The following GLIS3 variants were observed in gnomAD, a reference collection of about 807,000 sequenced individuals.
GLIS3 encodes the protein zinc finger protein GLIS3.
Under a neutral mutation model 78.6 loss-of-function variants are expected in GLIS3, and 53 were observed. The ratio of observed to expected loss-of-function variants is 0.67; its 90% CI spans 0.54 to 0.85. The LOEUF (loss-of-function observed/expected upper bound fraction) is 0.85. Among genes scored for constraint, GLIS3 ranks in the 40% least tolerant of loss-of-function variants. The probability of loss-of-function intolerance (pLI) is 0.00; values close to 1 mark genes in which losing one functional copy is unlikely to be tolerated. For synonymous variants in GLIS3, 684 were observed against 509.9 expected, an observed-to-expected ratio of 1.34 and a Z score of -4.60; for missense variants, 1,703 against 1,231.1, an observed-to-expected ratio of 1.38 and a Z score of -5.74.
rs1193481147 is a variant in GLIS3, at chr9:3,828,294, G to A, written c.2771C>T (p.Ser924Phe). The change falls in exon 11 of 11, where the codon TCC (serine) becomes TTC (phenylalanine). Residue 924 changes from serine to phenylalanine, a missense_variant. Physicochemically the swap from Ser to Phe is radical, Grantham distance 155 (BLOSUM62 -2). Transcript: ENST00000381971. ...STVDRCPSQL[S>F]SVYTEG ...CTTTTAGCCTTCGGTGTAGACAGAG[G>A]AGAGCTGGCTAGGACAGCGGTCCAC... 1.9e-6 allele frequency: 3 copies of A among 1,614,034 alleles called. No individual in the cohort carries two copies. The highest frequency in any genetic ancestry group is 2.2e-5 in the East Asian group (1 of 44,894).
chr9:4,485,654 C>T, the GLIS3 span, among the ~76,000 whole-genome samples: 8 of 151,870 alleles, frequency 5.3e-5, no homozygotes, highest in South Asian at 4.2e-4. Flanking sequence ...TCTACCTGTG[C>T]GGCAGGCAAG....
At chr9:4,483,898 A>C in the GLIS3 span, among the ~76,000 whole-genome samples, 1 of 152,158 alleles carries the variant, frequency 6.6e-6, no homozygotes, top group Admixed American at 6.6e-5. Context: ...ATCATATCTC[A>C]TTTGATTCTT....
intron 2 of GLIS3, among the ~76,000 whole-genome samples, chr9:4,332,285 T>G (rs1234439609): frequency 6.6e-6 from 1 of 152,140 alleles, no homozygotes; most frequent in Admixed American, 6.5e-5. Flanking sequence ...AGGTGTAGAA[T>G]TGGGCTAGGT....
chr9:4,488,003 A>AT, the GLIS3 span, among the ~76,000 whole-genome samples: 1 of 152,180 alleles, frequency 6.6e-6, no homozygotes. Flanking sequence ...TATGGTAGAC[A>AT]CTTTGGAAAT....
chr9:4,448,366 C>G, the GLIS3 span, among the ~76,000 whole-genome samples: 11 of 152,278 alleles, frequency 7.2e-5, no homozygotes, highest in East Asian at 2.1e-3. Flanking sequence ...AGAACCCATC[C>G]CATGCTTGTG....
At chr9:3,839,441 C>T (rs996072374) in intron 9 of GLIS3, among the ~76,000 whole-genome samples, 1 of 152,114 alleles carries the variant, frequency 6.6e-6, no homozygotes, top group African/African-American at 2.4e-5. Flanking sequence ...GTTATACCAA[C>T]CACTCAGAAT....
intron 2 of GLIS3, among the ~76,000 whole-genome samples, chr9:4,282,216 A>T (rs935710365): frequency 3.3e-5 from 5 of 152,136 alleles, no homozygotes; most frequent in African/African-American, 1.2e-4. Context: ...GCCGCCGTGT[A>T]AACTGTACCT....
chr9:4,454,727 G>A, the GLIS3 span, among the ~76,000 whole-genome samples: 414 of 152,284 alleles, frequency 2.7e-3, 3 homozygotes, highest in Non-Finnish European at 4.4e-3. Context: ...TGGGTTTGAT[G>A]TGTTCCAGGT....
chr9:4,165,846 G>A (rs1041190106), intron 2 of GLIS3, among the ~76,000 whole-genome samples: 5 of 152,230 alleles, frequency 3.3e-5, no homozygotes, highest in Non-Finnish European at 7.3e-5. Flanking sequence ...TACAGGGGAT[G>A]AAGAACAGGG....
intron 2 of GLIS3, among the ~76,000 whole-genome samples, chr9:4,341,473 G>A (rs915722569): frequency 6.6e-6 from 1 of 152,166 alleles, no homozygotes; most frequent in Non-Finnish European, 1.5e-5. Flanking sequence ...CAAGGTCACT[G>A]ATCTCCAGTA....
At chr9:4,155,860 T>G (rs1835010407) in intron 2 of GLIS3, among the ~76,000 whole-genome samples, 1 of 152,210 alleles carries the variant, frequency 6.6e-6, no homozygotes, top group Non-Finnish European at 1.5e-5. Context: ...ATACTGATGC[T>G]GCAGGTCCTC....
At chr9:4,186,351 G>A (rs1458125686) in intron 2 of GLIS3, among the ~76,000 whole-genome samples, 1 of 151,904 alleles carries the variant, frequency 6.6e-6, no homozygotes, top group Admixed American at 6.6e-5. Context: ...TGGCTGCATA[G>A]TATTCCATGG....
chr9:3,837,193 G>A (rs967649206), intron 9 of GLIS3, among the ~76,000 whole-genome samples: 1 of 152,132 alleles, frequency 6.6e-6, no homozygotes, highest in African/African-American at 2.4e-5. Flanking sequence ...CACCACATAA[G>A]GCCCTTCATA....
chr9:4,091,023 G>A (rs993465234), intron 4 of GLIS3, among the ~76,000 whole-genome samples: 2 of 152,132 alleles, frequency 1.3e-5, no homozygotes, highest in African/African-American at 4.8e-5. Flanking sequence ...GGGGGATGAT[G>A]ATATCCATTA....
chr9:4,027,339 T>C (rs1440174045), intron 4 of GLIS3, among the ~76,000 whole-genome samples: 1 of 152,240 alleles, frequency 6.6e-6, no homozygotes, highest in Admixed American at 6.5e-5. Flanking sequence ...TTAGCAATTA[T>C]TCACAGCAGG....
At chr9:4,004,856 A>T (rs988474096) in intron 4 of GLIS3, among the ~76,000 whole-genome samples, 6 of 152,210 alleles carry the variant, frequency 3.9e-5, no homozygotes, top group Non-Finnish European at 8.8e-5. Context: ...TGGACTTTTA[A>T]ATATACTTAT....
the GLIS3 span, among the ~76,000 whole-genome samples, chr9:4,382,742 C>CT: frequency 1.4e-4 from 22 of 152,120 alleles, no homozygotes; most frequent in Non-Finnish European, 8.8e-5. Flanking sequence ...ATTTTAATAC[C>CT]TCTCAGATGA....
At chr9:3,927,648 A>G (rs1425651811) in intron 6 of GLIS3, among the ~76,000 whole-genome samples, 1 of 152,202 alleles carries the variant, frequency 6.6e-6, no homozygotes, top group Non-Finnish European at 1.5e-5. Context: ...TGATCACTCA[A>G]GAAAGGAAGA....
At chr9:4,084,764 G>A (rs1159151493) in intron 4 of GLIS3, among the ~76,000 whole-genome samples, 1 of 152,034 alleles carries the variant, frequency 6.6e-6, no homozygotes, top group East Asian at 1.9e-4. Flanking sequence ...AAACTCCTTG[G>A]CTTCCTCCTC....
Sources: gnomAD v4.1 joint callset for allele counts (sites outside exome capture counted in the v4.1 genomes callset) on GRCh38, gnomAD v4.1.1 for gene constraint, MANE v1.5 for transcripts, NCBI Gene and HGNC (gene_info 2026-07-23, HGNC 2026-07-21) for gene names.